WSCD2: variants seen among roughly 807,000 people sequenced by gnomAD.
The protein encoded by WSCD2 is WSC domain sialate O sulfotransferase 2, also known as sialate:O-sulfotransferase 2.
A neutral mutation model predicts 55.7 loss-of-function variants in WSCD2; 28 were observed. The observed-to-expected ratio is 0.50, with a 90% confidence interval of 0.37 to 0.69. The LOEUF is 0.69. Among genes scored for constraint, WSCD2 ranks in the 30% least tolerant of loss-of-function variants. The probability of loss-of-function intolerance (pLI) is 0.00; values close to 1 mark genes in which losing one functional copy is unlikely to be tolerated. For missense variants in WSCD2, 616 were observed against 762.1 expected (o/e 0.81, Z 2.26); for synonymous variants, 301 against 301.9 (o/e 1.00, Z 0.03).
chr12:108,241,292 C>T (rs929647021), intron 8 of WSCD2, among the ~76,000 whole-genome samples: 1 of 152,170 alleles, frequency 6.6e-6, no homozygotes, highest in East Asian at 1.9e-4. Flanking sequence ...TGTGGATCAA[C>T]ATTTCAATGC....
At chr12:108,245,366 G>A (rs148009320) in intron 8 of WSCD2, among the ~76,000 whole-genome samples, 115 of 152,230 alleles carry the variant, frequency 7.6e-4, no homozygotes, top group Middle Eastern at 3.4e-3. Context: ...AGCTCCCAAC[G>A]CCCAAGAAAT....
chr12:108,175,359 C>T (rs1402692010), intron 1 of WSCD2, among the ~76,000 whole-genome samples: 1 of 152,174 alleles, frequency 6.6e-6, no homozygotes, highest in African/African-American at 2.4e-5. Flanking sequence ...CCCAGGGTTC[C>T]ACAGACTAAA....
At chr12:108,236,767 C>A (rs1042633471) in intron 7 of WSCD2, among the ~76,000 whole-genome samples, 10 of 152,064 alleles carry the variant, frequency 6.6e-5, no homozygotes, top group African/African-American at 1.9e-4. Context: ...CCAACTCCTG[C>A]CTTCTCCCCG....
chr12:108,182,700 A>G (rs1298177795), intron 1 of WSCD2, among the ~76,000 whole-genome samples: 1 of 152,242 alleles, frequency 6.6e-6, no homozygotes. Flanking sequence ...AGCACTTTAC[A>G]TAAGATAAGG....
intron 5 of WSCD2, among the ~76,000 whole-genome samples, 157 bp downstream of exon 5, chr12:108,225,017 C>G (rs1255704707): frequency 6.6e-6 from 1 of 152,156 alleles, no homozygotes; most frequent in Non-Finnish European, 1.5e-5. Flanking sequence ...GACCATTTCA[C>G]GTGGATCTAA....
chr12:108,160,761 T>C (rs1187877600), intron 1 of WSCD2, among the ~76,000 whole-genome samples: 1 of 152,212 alleles, frequency 6.6e-6, no homozygotes, highest in African/African-American at 2.4e-5. Context: ...CAATATACTG[T>C]ATTATATTAT....
At chr12:108,141,814 A>G (rs1025475914) in intron 1 of WSCD2, among the ~76,000 whole-genome samples, 16 of 152,340 alleles carry the variant, frequency 1.1e-4, no homozygotes, top group African/African-American at 3.4e-4. Context: ...AGCCCCTCCC[A>G]GCAGTGGGAA....
chr12:108,195,099 G>A (rs1883738998), intron 1 of WSCD2, among the ~76,000 whole-genome samples, 183 bp from the exon 2 acceptor site: 1 of 152,176 alleles, frequency 6.6e-6, no homozygotes, highest in Non-Finnish European at 1.5e-5. Context: ...TCAAGAAAAA[G>A]GCAGTGTTCT....
chr12:108,199,413 C>A (rs1377567513), intron 2 of WSCD2, among the ~76,000 whole-genome samples: 1 of 152,106 alleles, frequency 6.6e-6, no homozygotes, highest in East Asian at 1.9e-4. Flanking sequence ...CTGACACCTA[C>A]CATGTGCCAG....
intron 2 of WSCD2, among the ~76,000 whole-genome samples, chr12:108,202,066 T>C (rs1337535794): frequency 6.6e-6 from 1 of 152,166 alleles, no homozygotes; most frequent in East Asian, 1.9e-4. Flanking sequence ...GAGATTCTGC[T>C]ACCACAGCAG....
intron 1 of WSCD2, among the ~76,000 whole-genome samples, chr12:108,133,201 T>A (rs1475239848): frequency 6.6e-6 from 1 of 152,208 alleles, no homozygotes; most frequent in Non-Finnish European, 1.5e-5. Context: ...TGTATGTGTG[T>A]GTTTGTGAGT....
rs1362936251 is a variant in WSCD2 at position 108,250,477 on chromosome 12, G to A, written c.*2134G>A. The A allele has an allele frequency of 6.6e-6, 1 of 152,238 alleles. No homozygotes were observed. The allele number at this position is 152,238 out of a possible 1,614,324, so 9.4% of individuals were successfully genotyped here. A position where few individuals can be genotyped will look rare whatever the true frequency, so the allele number is the denominator to read the frequency against. ...ACCATCTTATTTGTAATGAGTCTGTGCAGGTCCTTGTGTATGGAATTGCAC... is the reference window on the plus strand; with the variant it reads ...ACCATCTTATTTGTAATGAGTCTGTACAGGTCCTTGTGTATGGAATTGCAC... On this transcript the variant is annotated 3_prime_UTR_variant, in exon 9 of 9. Transcript: ENST00000547525.
At chr12:108,172,601 G>A (rs1365311) in intron 1 of WSCD2, among the ~76,000 whole-genome samples, 101,368 of 152,084 alleles carry the variant, frequency 0.67, 35,695 homozygotes, top group East Asian at 0.91. Flanking sequence ...AGAATGCCAC[G>A]TGAAGACAGA....
intron 7 of WSCD2, among the ~76,000 whole-genome samples, chr12:108,235,386 C>T (rs1056493917): frequency 2.9e-4 from 44 of 152,086 alleles, no homozygotes; most frequent in African/African-American, 9.9e-4. Context: ...GACACACAGG[C>T]GGCATCTCAG....
chr12:108,179,929 G>C (rs1470941286), intron 1 of WSCD2, among the ~76,000 whole-genome samples: 1 of 151,982 alleles, frequency 6.6e-6, no homozygotes, highest in Non-Finnish European at 1.5e-5. Context: ...TGTAATCCCA[G>C]CTACTTGGGA....
intron 2 of WSCD2, among the ~76,000 whole-genome samples, chr12:108,197,415 G>C (rs1380568234): frequency 6.6e-6 from 1 of 152,050 alleles, no homozygotes; most frequent in African/African-American, 2.4e-5. Flanking sequence ...GGAGGCAAAG[G>C]AGATGTTGGA....
intron 4 of WSCD2, among the ~76,000 whole-genome samples, chr12:108,221,913 G>C (rs1044405093): frequency 6.6e-6 from 1 of 152,216 alleles, no homozygotes; most frequent in Non-Finnish European, 1.5e-5. Context: ...GATAAAGCCA[G>C]AGACCCAGAA....
intron 1 of WSCD2, among the ~76,000 whole-genome samples, chr12:108,189,958 C>A (rs997042071): frequency 6.6e-6 from 1 of 152,170 alleles, no homozygotes; most frequent in Non-Finnish European, 1.5e-5. Context: ...GGCAAAACCA[C>A]ATGTATTCTC....
intron 1 of WSCD2, among the ~76,000 whole-genome samples, chr12:108,187,129 G>C (rs928761318): frequency 1.3e-5 from 2 of 152,200 alleles, no homozygotes; most frequent in Non-Finnish European, 2.9e-5. Flanking sequence ...GCCAAGAATG[G>C]ATTGACCAGT....
Sources: gnomAD v4.1 joint callset for allele counts (sites outside exome capture counted in the v4.1 genomes callset) on GRCh38, gnomAD v4.1.1 for gene constraint, MANE v1.5 for transcripts, NCBI Gene and HGNC (gene_info 2026-07-23, HGNC 2026-07-21) for gene names.